Variants in ARHGEF28 observed in about 807,000 individuals in gnomAD.
ARHGEF28 encodes 190 kDa guanine nucleotide exchange factor.
In ARHGEF28, 152 loss-of-function variants were observed where a neutral mutation model predicts 206.6. The ratio of observed to expected loss-of-function variants is 0.74; its 90% CI spans 0.64 to 0.84. ARHGEF28 has a LOEUF of 0.84. ARHGEF28 is among the 40% of genes least tolerant of loss of function. The pLI, the probability that ARHGEF28 is intolerant of heterozygous loss-of-function variation, is 0.00. For synonymous variants in ARHGEF28, 763 were observed against 776.4 expected (o/e 0.98, Z 0.29); for missense variants, 2,028 against 2,073.2 (o/e 0.98, Z 0.42).
intron 2 of ARHGEF28, among the ~76,000 whole-genome samples, chr5:73,727,053 T>C (rs1750314731): frequency 1.3e-5 from 2 of 152,236 alleles, no homozygotes; most frequent in Admixed American, 1.3e-4. Context: ...CTTTGCTTAA[T>C]ATTTTTCCTC....
In ARHGEF28 at chr5:73,880,850, T is replaced by C. The variant is rs1296431564; in HGVS notation, c.2815-1622T>C. On this transcript the variant is annotated intron_variant, in intron 22 of 35. Transcript: ENST00000513042. ...TGTGGGCTGAGGTGGGCAGATCGCCTGAGCCTGGGAGGTTGAGGTTGCAGT... is the reference window on the plus strand; with the variant it reads ...TGTGGGCTGAGGTGGGCAGATCGCCCGAGCCTGGGAGGTTGAGGTTGCAGT... Among the ~76,000 whole-genome samples, 14 of 152,066 alleles carry C rather than the reference T, an allele frequency of 9.2e-5. No homozygotes were observed. In the East Asian group the frequency reaches 2.3e-3, roughly 25 times the overall value.
At chr5:73,635,416 C>T (rs962056546) in intron 1 of ARHGEF28, among the ~76,000 whole-genome samples, 9 of 152,120 alleles carry the variant, frequency 5.9e-5, no homozygotes, top group Admixed American at 4.6e-4. Flanking sequence ...ACCTAGGAAT[C>T]AGGAGACCTG....
chr5:73,782,560 C>T (rs7732914), intron 7 of ARHGEF28, among the ~76,000 whole-genome samples: 8,096 of 152,254 alleles, frequency 0.053, 687 homozygotes, highest in African/African-American at 0.18. Context: ...GGGTTAAGCC[C>T]GAGCAGCTGA....
At chr5:73,776,751 A>C (rs1394597004) in intron 6 of ARHGEF28, 55 bp downstream of exon 6, 1 of 1,475,436 alleles carries the variant, frequency 6.8e-7, no homozygotes, top group Admixed American at 2.0e-5. Flanking sequence ...GAATGCAGGC[A>C]TCAATTTCTT....
At chr5:73,761,288 A>G (rs536076811) in intron 4 of ARHGEF28, among the ~76,000 whole-genome samples, 1 of 152,342 alleles carries the variant, frequency 6.6e-6, no homozygotes, top group South Asian at 2.1e-4. Context: ...TGCTATTCTC[A>G]TAGATTTCTT....
chr5:73,893,829 C>T (rs1455334085), intron 28 of ARHGEF28, among the ~76,000 whole-genome samples: 2 of 152,164 alleles, frequency 1.3e-5, no homozygotes, highest in Admixed American at 6.5e-5. Context: ...CCCAAGGTGA[C>T]TTTGAAGCAC....
At chr5:73,875,225 A>G (rs1760382391) in intron 22 of ARHGEF28, among the ~76,000 whole-genome samples, 1 of 152,018 alleles carries the variant, frequency 6.6e-6, no homozygotes, top group African/African-American at 2.4e-5. Context: ...TTCTTTTGAG[A>G]AGTGTCTGTT....
chr5:73,644,526 C>G (rs1320944534), intron 1 of ARHGEF28, among the ~76,000 whole-genome samples: 1 of 152,168 alleles, frequency 6.6e-6, no homozygotes, highest in Non-Finnish European at 1.5e-5. Flanking sequence ...CCTCACTAGC[C>G]CTGATAATCT....
intron 2 of ARHGEF28, among the ~76,000 whole-genome samples, chr5:73,746,136 C>T (rs1751704782): frequency 6.6e-6 from 1 of 152,050 alleles, no homozygotes; most frequent in Admixed American, 6.6e-5. Flanking sequence ...AGAAGTTTGG[C>T]AATTTGTGAC....
intron 9 of ARHGEF28, among the ~76,000 whole-genome samples, chr5:73,811,044 A>G (rs969848389): frequency 1.3e-5 from 2 of 152,198 alleles, no homozygotes; most frequent in African/African-American, 4.8e-5. Flanking sequence ...CCAATTCAGG[A>G]TGAGGACTTT....
At chr5:73,780,450 T>G (rs960446907) in intron 6 of ARHGEF28, 1 of 521,834 alleles carries the variant, frequency 1.9e-6, no homozygotes, top group Non-Finnish European at 3.5e-6. Flanking sequence ...CAATAAAAGA[T>G]TAGTGGCAGG....
At chr5:73,889,702 T>G (rs74909691) in intron 26 of ARHGEF28, among the ~76,000 whole-genome samples, 7,766 of 152,330 alleles carry the variant, frequency 0.051, 295 homozygotes, top group Non-Finnish European at 0.082. Flanking sequence ...TTAGAGGTCT[T>G]CAACTCCTAA....
Position 73,704,302 on chromosome 5 carries a change from C to T in ARHGEF28, c.33+19418C>T, listed in dbSNP as rs565957616. On this transcript the variant is annotated intron_variant, in intron 2 of 35. Transcript: ENST00000513042. Reference sequence around the variant, plus strand: ...GTTAGAAAGTAACTGCTTCAATCTTCTTATTTTCATAGGTTGTCACATGGA... The same window carrying T: ...GTTAGAAAGTAACTGCTTCAATCTTTTTATTTTCATAGGTTGTCACATGGA... 9.2e-5 allele frequency among the ~76,000 whole-genome samples: 14 copies of T among 152,296 alleles called. No individual in the cohort carries two copies. In the South Asian group the frequency reaches 1.5e-3, roughly 16 times the overall value.
chr5:73,792,686 A>T (rs1198224753), intron 7 of ARHGEF28, among the ~76,000 whole-genome samples: 2 of 107,152 alleles, frequency 1.9e-5, no homozygotes. Context: ...TTTCTTTCCT[A>T]CTTATCCCAA....
chr5:73,764,700 A>G lies in ARHGEF28; in HGVS notation c.476-9155A>G, dbSNP rs1489356310. On this transcript the variant is annotated intron_variant, in intron 4 of 35. Coordinates refer to ENST00000513042, the MANE Select transcript of ARHGEF28 (RefSeq NM_001177693.2). ...TACCTTTTGGGCTTATGATCCAGCC[A>G]TGCCAACCATGTTGGTCTTGCGCTC... is the stretch of plus-strand genomic sequence containing the variant. Among the ~76,000 whole-genome samples the G allele has an allele frequency of 2.0e-5, 3 of 152,216 alleles. No individual in the cohort carries two copies. The East Asian group carries it at 5.8e-4, about 29-fold the overall frequency.
chr5:73,812,129 G>A (rs2112520168), intron 9 of ARHGEF28, among the ~76,000 whole-genome samples: 1 of 152,210 alleles, frequency 6.6e-6, no homozygotes, highest in Middle Eastern at 3.4e-3. Flanking sequence ...AGTGATTTAT[G>A]TAATTCTGAT....
At chr5:73,677,511 T>G (rs144344300) in intron 1 of ARHGEF28, among the ~76,000 whole-genome samples, 16 of 152,334 alleles carry the variant, frequency 1.1e-4, no homozygotes, top group African/African-American at 3.6e-4. Context: ...ATGTGAAAAA[T>G]TCAGAATTTC....
chr5:73,941,083 TTATG>T lies in ARHGEF28; in HGVS notation c.*76_*79del. ...GGGAGAAACTTTTTGTCTCCATTCCTTATGTATGTGTGATTGTCTGTGTCCAAAT... is the reference window on the plus strand; with the variant it reads ...GGGAGAAACTTTTTGTCTCCATTCCTTATGTGTGATTGTCTGTGTCCAAAT... On this transcript the variant is annotated 3_prime_UTR_variant, in exon 36 of 36. Transcript: ENST00000513042. 7.4e-7 allele frequency: 1 copy of T among 1,355,514 alleles called. No homozygotes were observed. Among genetic ancestry groups the T allele is most frequent in the Non-Finnish European group, 9.6e-7 (1 of 1,041,740 alleles). 84.0% of individuals were successfully genotyped at this position (1,355,514 alleles called of 1,614,324 possible).
At chr5:73,879,013 A>G (rs1760728214) in intron 22 of ARHGEF28, among the ~76,000 whole-genome samples, 1 of 152,130 alleles carries the variant, frequency 6.6e-6, no homozygotes, top group Admixed American at 6.6e-5. Flanking sequence ...AATATCCTGC[A>G]GAGTGTTTTC....
Sources: gnomAD v4.1 joint callset for allele counts (sites outside exome capture counted in the v4.1 genomes callset) on GRCh38, gnomAD v4.1.1 for gene constraint, MANE v1.5 for transcripts, NCBI Gene and HGNC (gene_info 2026-07-23, HGNC 2026-07-21) for gene names.